Variants in NPAS3 observed in about 807,000 individuals in gnomAD.
NPAS3 encodes the protein neuronal PAS domain-containing protein 3.
NPAS3 carries 14 observed loss-of-function variants against 73.1 expected under a neutral mutation model. The observed-to-expected ratio is 0.19, with a 90% CI of 0.13 to 0.30. The LOEUF (loss-of-function observed/expected upper bound fraction) is 0.30. Among genes scored for constraint, NPAS3 ranks in the 10% least tolerant of loss-of-function variants. The probability of loss-of-function intolerance (pLI) is 1.00; values close to 1 mark genes in which losing one functional copy is unlikely to be tolerated. For synonymous variants in NPAS3, 620 were observed against 541.5 expected (o/e 1.14, Z -2.01); for missense variants, 1,096 against 1,250.0 (o/e 0.88, Z 1.86).
intron 2 of NPAS3, among the ~76,000 whole-genome samples, chr14:33,131,754 T>C (rs765014364): frequency 6.6e-5 from 10 of 152,172 alleles, no homozygotes; most frequent in Non-Finnish European, 1.3e-4. Flanking sequence ...ATTATGGGCA[T>C]GATTAACACA....
intron 2 of NPAS3, among the ~76,000 whole-genome samples, chr14:33,087,417 G>A (rs963675424): frequency 8.6e-5 from 13 of 151,356 alleles, no homozygotes; most frequent in African/African-American, 3.2e-4. Context: ...TACCAAGTAG[G>A]GAACAAAAAA....
chr14:33,005,562 C>T (rs2038972917), intron 1 of NPAS3, among the ~76,000 whole-genome samples: 1 of 152,094 alleles, frequency 6.6e-6, no homozygotes, highest in African/African-American at 2.4e-5. Context: ...CATTTTCCAC[C>T]TAGGGAAGGC....
intron 2 of NPAS3, among the ~76,000 whole-genome samples, chr14:33,086,173 A>C (rs189477698): frequency 3.9e-5 from 6 of 152,316 alleles, no homozygotes; most frequent in Admixed American, 3.3e-4. Context: ...AGCTTTATTT[A>C]GTTGACTGCG....
chr14:33,018,230 C>G (rs547255943), intron 1 of NPAS3, among the ~76,000 whole-genome samples: 17 of 152,298 alleles, frequency 1.1e-4, no homozygotes, highest in African/African-American at 3.8e-4. Context: ...AGCACGAATG[C>G]TGTCTTAAAA....
At chr14:33,788,136 A>C (rs2063234180) in intron 9 of NPAS3, among the ~76,000 whole-genome samples, 2 of 152,162 alleles carry the variant, frequency 1.3e-5, no homozygotes, top group East Asian at 1.9e-4. Context: ...TAAGCACCCA[A>C]CTGTGGTATT....
intron 5 of NPAS3, among the ~76,000 whole-genome samples, chr14:33,633,223 G>A (rs1207574607): frequency 2.6e-5 from 4 of 152,096 alleles, no homozygotes; most frequent in African/African-American, 9.7e-5. Context: ...TCTGCAGCAG[G>A]TCCTGGAACC....
At chr14:33,284,081 G>A (rs2041754394) in intron 3 of NPAS3, among the ~76,000 whole-genome samples, 2 of 151,904 alleles carry the variant, frequency 1.3e-5, no homozygotes, top group Admixed American at 1.3e-4. Flanking sequence ...TATATTGTTT[G>A]CATCTTTGTA....
At chr14:33,284,778 ATCTATCTATCTATC>A (rs1186634932) in intron 3 of NPAS3, among the ~76,000 whole-genome samples, 4 of 113,880 alleles carry the variant, frequency 3.5e-5, no homozygotes, top group Non-Finnish European at 5.3e-5. Context: ...CTATCTATCT[ATCTATCTATCTATC>A]TATCTATCTA....
chr14:33,580,800 A>C (rs1190897299), intron 5 of NPAS3, among the ~76,000 whole-genome samples: 16 of 130,262 alleles, frequency 1.2e-4, no homozygotes, highest in South Asian at 2.8e-4. Flanking sequence ...CCTCCACCGC[A>C]CCCCCCTACC....
At chr14:33,612,571 G>A in intron 5 of NPAS3, 1 of 450,202 alleles carries the variant, frequency 2.2e-6, no homozygotes, top group Non-Finnish European at 4.5e-6. Flanking sequence ...AATAAACTCT[G>A]TATACTTGCT....
intron 3 of NPAS3, among the ~76,000 whole-genome samples, chr14:33,223,358 G>A (rs2047504175): frequency 6.6e-6 from 1 of 152,198 alleles, no homozygotes; most frequent in Non-Finnish European, 1.5e-5. Context: ...GAGTATTCTG[G>A]GTGTGTGAAC....
At chr14:33,134,942 C>A (rs1415341218) in intron 2 of NPAS3, among the ~76,000 whole-genome samples, 1 of 151,976 alleles carries the variant, frequency 6.6e-6, no homozygotes, top group Admixed American at 6.6e-5. Flanking sequence ...GGCACCCCAA[C>A]TTTTAGTTTC....
At chr14:33,113,940 A>G (rs200368335) in intron 2 of NPAS3, among the ~76,000 whole-genome samples, 1 of 152,018 alleles carries the variant, frequency 6.6e-6, no homozygotes, top group Admixed American at 6.6e-5. Flanking sequence ...GGTTTTTGTC[A>G]TTGGTTCTGT....
chr14:33,746,430 G>A lies in NPAS3; in HGVS notation c.852+11098G>A, dbSNP rs965425620. ...TCTCAAACTCCTGACCTCATGATCC[G>A]CCCACCTCGGCCTCCCAAAGTGCTA... On this transcript the variant is annotated intron_variant, in intron 7 of 11. Coordinates refer to ENST00000356141, the Ensembl canonical transcript of NPAS3. Among the ~76,000 whole-genome samples, 7 of 150,436 alleles carry A rather than the reference G, an allele frequency of 4.7e-5. No homozygotes were observed. The East Asian group carries it at 5.9e-4, about 13-fold the overall frequency.
chr14:33,504,582 A>T (rs1424264874), intron 4 of NPAS3, among the ~76,000 whole-genome samples: 5 of 151,992 alleles, frequency 3.3e-5, no homozygotes, highest in Non-Finnish European at 5.9e-5. Flanking sequence ...AAATGAATTA[A>T]ATTGTTAAAC....
chr14:33,460,147 G>C (rs1453924096), intron 4 of NPAS3, among the ~76,000 whole-genome samples: 1 of 152,142 alleles, frequency 6.6e-6, no homozygotes, highest in African/African-American at 2.4e-5. Context: ...TGGGCATACT[G>C]TTTTTTATTT....
chr14:33,498,783 A>G (rs1283413683), intron 4 of NPAS3, among the ~76,000 whole-genome samples: 2 of 152,050 alleles, frequency 1.3e-5, no homozygotes, highest in African/African-American at 2.4e-5. Flanking sequence ...GTGTATACCT[A>G]TGTAACAAAC....
Position 33,187,613 on chromosome 14 carries a change from T to C in NPAS3, c.141-27569T>C, listed in dbSNP as rs79446486. 9.2e-4 allele frequency among the ~76,000 whole-genome samples: 140 copies of C among 151,560 alleles called. No individual in the cohort carries two copies. The East Asian group carries it at 0.024, about 26-fold the overall frequency. ...TCAGGAAGCTGAGACAGGTTGATTG[T>C]TGAAGCCCGGAGTTTGAGACTATAG... On this transcript the variant is annotated intron_variant, in intron 2 of 11. Transcript: ENST00000356141.
intron 2 of NPAS3, among the ~76,000 whole-genome samples, chr14:33,184,077 G>A (rs908418764): frequency 1.3e-5 from 2 of 152,162 alleles, no homozygotes; most frequent in Non-Finnish European, 2.9e-5. Flanking sequence ...AGTACCCTGA[G>A]CTATAGTTCC....
Sources: allele counts gnomAD v4.1 joint callset (sites outside exome capture counted in the v4.1 genomes callset), GRCh38; gene constraint gnomAD v4.1.1; transcripts MANE v1.5; gene names NCBI Gene and HGNC (gene_info 2026-07-23, HGNC 2026-07-21).